The following KANSL1 variants were observed in gnomAD, a reference collection of about 807,000 sequenced individuals.
KANSL1 encodes MLL1/MLL complex subunit KANSL1.
A neutral mutation model predicts 103.6 loss-of-function variants in KANSL1; 22 were observed. The observed-to-expected ratio is 0.21, with a 90% CI of 0.15 to 0.30. KANSL1 has a LOEUF of 0.30. Ranked by LOEUF, KANSL1 falls within the 10% of genes least tolerant of loss-of-function variation. The pLI is 1.00. For synonymous variants in KANSL1, 600 were observed against 527.6 expected (o/e 1.14, Z -1.88); for missense variants, 1,337 against 1,399.8 (o/e 0.96, Z 0.72).
At chr17:46,182,021 C>G (rs1008432047) in intron 1 of KANSL1, among the ~76,000 whole-genome samples, 3 of 152,174 alleles carry the variant, frequency 2.0e-5, no homozygotes, top group African/African-American at 7.2e-5. Context: ...TCATTCAGTT[C>G]AAATTATCTG....
At chr17:46,200,074 AT>A (rs1555591978) in intron 1 of KANSL1, among the ~76,000 whole-genome samples, 3 of 139,976 alleles carry the variant, frequency 2.1e-5, no homozygotes, top group Non-Finnish European at 4.9e-5. Flanking sequence ...CACCCTGATT[AT>A]TTTGGTGAAT....
intron 7 of KANSL1, among the ~76,000 whole-genome samples, chr17:46,048,688 T>C (rs974987029): frequency 6.6e-6 from 1 of 152,238 alleles, no homozygotes; most frequent in African/African-American, 2.4e-5. Context: ...ATCCAGATTA[T>C]GAAAGCGCTG....
intron 1 of KANSL1, among the ~76,000 whole-genome samples, chr17:46,183,568 GA>G: frequency 6.7e-6 from 1 of 149,536 alleles, no homozygotes; most frequent in African/African-American, 2.5e-5. Context: ...GAGGGGAGGA[GA>G]GAGGAGAGAG....
Position 46,179,084 on chromosome 17 carries a change from C to T in KANSL1, c.-89-6852G>A, listed in dbSNP as rs183028887. On this transcript the variant is annotated intron_variant, in intron 1 of 14. Transcript: ENST00000432791. The stretch of plus-strand genomic sequence containing the variant: ...CTGGCAGTAGCATGTTTAGCAACAT[C>T]TCTGTTTTCCACCCACTAGATGCTA... Among the ~76,000 whole-genome samples, 213 of 152,288 alleles carry T rather than the reference C, an allele frequency of 1.4e-3. 1 individual carries two copies. The highest frequency in any genetic ancestry group is 4.9e-3 in the African/African-American group (205 of 41,550).
intron 10 of KANSL1, 46 bp from the exon 11 acceptor site, chr17:46,034,331 A>AC: frequency 6.2e-7 from 1 of 1,603,200 alleles, no homozygotes; most frequent in Non-Finnish European, 8.5e-7. Flanking sequence ...AATTTTACAG[A>AC]CATCAAATCA....
At chr17:46,053,150 T>C (rs2077785668) in intron 6 of KANSL1, among the ~76,000 whole-genome samples, 1 of 151,608 alleles carries the variant, frequency 6.6e-6, no homozygotes, top group South Asian at 2.1e-4. Flanking sequence ...CTGGGCATGG[T>C]GGTGGGCACC....
chr17:46,147,568 TC>T (rs1567729698), intron 2 of KANSL1, among the ~76,000 whole-genome samples: 1 of 98,146 alleles, frequency 1.0e-5, no homozygotes, highest in Non-Finnish European at 2.0e-5. Flanking sequence ...AGAGTGAGAC[TC>T]TTTAAAAAAA....
At chr17:46,098,388 CT>C (rs2042170843) in intron 2 of KANSL1, among the ~76,000 whole-genome samples, 1 of 152,234 alleles carries the variant, frequency 6.6e-6, no homozygotes, top group Non-Finnish European at 1.5e-5. Flanking sequence ...AATCATACTA[CT>C]TTTCCTCAAT....
chr17:46,030,638 C>G lies in KANSL1; in HGVS notation c.*838G>C, dbSNP rs561989638. The G allele has an allele frequency of 6.6e-6, 1 of 151,314 alleles. No individual in the cohort carries two copies. Among genetic ancestry groups the G allele is most frequent in the Admixed American group, 6.6e-5 (1 of 15,194 alleles). The allele number at this position is 151,314 out of a possible 1,614,324, so 9.4% of individuals were successfully genotyped here. On this transcript the variant is annotated 3_prime_UTR_variant, in exon 15 of 15. Coordinates refer to ENST00000432791, the MANE Select transcript of KANSL1 (RefSeq NM_015443.4). Reference sequence around the variant, plus strand: ...GGAGATGGCTGCTCACTTCCCACAACCCCCAGTTTGCAGGGGAGTGGGAAT... The same window carrying G: ...GGAGATGGCTGCTCACTTCCCACAAGCCCCAGTTTGCAGGGGAGTGGGAAT...
chr17:46,064,735 A>C (rs940229335), intron 6 of KANSL1, among the ~76,000 whole-genome samples: 4 of 151,748 alleles, frequency 2.6e-5, no homozygotes, highest in African/African-American at 9.7e-5. Context: ...TCCTTTCCTC[A>C]TCTTTCACAG....
At chr17:46,057,054 A>G (rs1170203497) in intron 6 of KANSL1, among the ~76,000 whole-genome samples, 1 of 152,236 alleles carries the variant, frequency 6.6e-6, no homozygotes, top group Non-Finnish European at 1.5e-5. Context: ...ACAGGCTCCC[A>G]TTAAATATTA....
chr17:46,039,812 T>G lies in KANSL1; in HGVS notation c.2093A>C (p.Lys698Thr). Residue 698 changes from lysine to threonine, a missense_variant, in exon 8 of 15, where the codon AAA becomes ACA. Around this residue, in one of 2 missense-constraint regions of KANSL1, gnomAD observed 780 missense variants for 923.4 expected, o/e 0.84. Transcript: ENST00000432791. ...QWQNKPFDKI[K>T]PPKKLSLKHR... is the part of the protein sequence containing the mutation. Reference sequence around the variant, plus strand: ...CTTAAGCGATAACTTTTTGGGAGGTTTGATTTTGTCAAAAGGCTTGTTCTG... The same window carrying G: ...CTTAAGCGATAACTTTTTGGGAGGTGTGATTTTGTCAAAAGGCTTGTTCTG... 1 of 1,614,168 alleles carries G rather than the reference T, an allele frequency of 6.2e-7. No homozygotes were observed. The highest frequency in any genetic ancestry group is 1.1e-5 in the South Asian group (1 of 91,084).
intron 1 of KANSL1, among the ~76,000 whole-genome samples, chr17:46,219,031 C>T (rs1326068145): frequency 1.3e-5 from 2 of 151,848 alleles, no homozygotes; most frequent in Admixed American, 6.6e-5. Flanking sequence ...GAGGCCGAGG[C>T]GGGTGGATCA....
intron 6 of KANSL1, among the ~76,000 whole-genome samples, chr17:46,059,647 A>AAAAGAGAGAG (rs541946204): frequency 0.069 from 3,783 of 55,102 alleles, 309 homozygotes; most frequent in East Asian, 0.22. Flanking sequence ...AAAAAAAAAA[A>AAAAGAGAGAG]AGAGAGAGAG....
At chr17:46,212,987 T>C (rs2048210348) in intron 1 of KANSL1, among the ~76,000 whole-genome samples, 1 of 152,386 alleles carries the variant, frequency 6.6e-6, no homozygotes, top group South Asian at 2.1e-4. Context: ...ACTCTGATCA[T>C]GTTCTTTGCC....
chr17:46,110,328 T>C (rs1220921858), intron 2 of KANSL1, among the ~76,000 whole-genome samples: 1 of 152,228 alleles, frequency 6.6e-6, no homozygotes, highest in Admixed American at 6.5e-5. Context: ...GAATCACAAA[T>C]GAAGTGCTTA....
rs1344367719 is a variant in KANSL1, at chr17:46,172,051, A to G, written c.93T>C (p.Pro31=). ...KLAPPSSTLS[P]GSAENNGNAN... is the part of the protein sequence containing the mutation. ...CGTTGCCGTTATTTTCGGCACTGCC[A>G]GGGGACAAGGTAGAGGATGGGGGAG... The change falls in exon 2 of 15, where the codon CCT becomes CCC. Residue 31 remains proline (P), a synonymous_variant. Transcript: ENST00000432791. The G allele has an allele frequency of 3.1e-6, 5 of 1,614,204 alleles. No homozygotes were observed. Among genetic ancestry groups the G allele is most frequent in the Admixed American group, 3.3e-5 (2 of 60,026 alleles).
chr17:46,165,965 C>T (rs2045974008), intron 2 of KANSL1, among the ~76,000 whole-genome samples: 1 of 151,912 alleles, frequency 6.6e-6, no homozygotes, highest in Non-Finnish European at 1.5e-5. Context: ...AATCCCAGCA[C>T]TTCGGTAGGC....
At position 46,052,963 on chromosome 17, in the gene KANSL1, C is replaced by CAAAAAAAAAAAAAAAA. The variant is rs2077769956; in HGVS notation, c.1849-2260_1849-2259insTTTTTTTTTTTTTTTT. 2.1e-4 allele frequency among the ~76,000 whole-genome samples: 9 copies of CAAAAAAAAAAAAAAAA among 43,162 alleles called. 3 individuals are homozygous for CAAAAAAAAAAAAAAAA. Among genetic ancestry groups the CAAAAAAAAAAAAAAAA allele is most frequent in the African/African-American group, 9.2e-4 (9 of 9,826 alleles). The allele number at this position is 43,162 out of a possible 152,430, so 28.3% of individuals were successfully genotyped here. A position where few individuals can be genotyped will look rare whatever the true frequency, so the allele number is the denominator to read the frequency against. Reference sequence around the variant, plus strand: ...TGGGAAAAAGAGTAAGATCCTGTCTCCAAAAAAAAAAAAAAAAAAAAAAAA... The same window carrying CAAAAAAAAAAAAAAAA: ...TGGGAAAAAGAGTAAGATCCTGTCTCAAAAAAAAAAAAAAAACAAAAAAAAAAAAAAAAAAAAAAAA... On this transcript the variant is annotated intron_variant, in intron 6 of 14. Transcript: ENST00000432791.
Sources: gnomAD v4.1 joint callset for allele counts (sites outside exome capture counted in the v4.1 genomes callset) on GRCh38, gnomAD v4.1.1 for gene constraint, gnomAD v4.1.1 regional missense constraint, MANE v1.5 for transcripts, NCBI Gene and HGNC (gene_info 2026-07-23, HGNC 2026-07-21) for gene names.